The following CDYL variants were observed in gnomAD, a reference collection of about 807,000 sequenced individuals.
CDYL encodes chromodomain Y-like protein.
In CDYL, 8 loss-of-function variants were observed where a neutral mutation model predicts 47.3. The ratio of observed to expected loss-of-function variants is 0.17; its 90% CI spans 0.10 to 0.31. The LOEUF is 0.31. Among genes scored for constraint, CDYL ranks in the 10% least tolerant of loss-of-function variants. The pLI is 1.00. For missense variants in CDYL, 471 were observed against 701.4 expected (o/e 0.67, Z 3.71); for synonymous variants, 266 against 265.0 (o/e 1.00, Z -0.04).
chr6:4,747,330 G>T (rs951720154), intron 3 of CDYL, among the ~76,000 whole-genome samples: 32 of 151,746 alleles, frequency 2.1e-4, no homozygotes, highest in African/African-American at 7.5e-4. Flanking sequence ...AAAATCATGG[G>T]CATTAATGCA....
At chr6:4,829,625 T>C (rs1398304824) in intron 1 of CDYL, among the ~76,000 whole-genome samples, 3 of 152,194 alleles carry the variant, frequency 2.0e-5, no homozygotes, top group African/African-American at 7.2e-5. Context: ...CTGCAGCTTT[T>C]CTGGGGGTGC....
Position 4,904,808 on chromosome 6 carries a change from C to T in CDYL, c.691+12429C>T, listed in dbSNP as rs145359140. 7.9e-4 allele frequency among the ~76,000 whole-genome samples: 121 copies of T among 152,302 alleles called. 1 individual carries two copies. The highest frequency in any genetic ancestry group is 2.7e-3 in the African/African-American group (113 of 41,560). The stretch of plus-strand genomic sequence containing the variant: ...GTAAACGGCTTTGGGCCTCATCGTA[C>T]AGCTACAGGTTGTACTTAGGACCCG... On this transcript the variant is annotated intron_variant, in intron 2 of 6. Coordinates refer to ENST00000397588, the MANE Select transcript of CDYL (RefSeq NM_004824.4).
Position 4,935,709 on chromosome 6 carries a change from G to C in CDYL, c.886G>C (p.Asp296His). ...RYRDIVVRKQ[D>H]GFTHILLSTK... ...CAGAGATATTGTGGTCAGGAAGCAG[G>C]ATGGCTTCACCCACATCTTGTTATC... Residue 296 changes from aspartate (D) to histidine (H), a missense_variant, in exon 3 of 7, where the codon GAT becomes CAT. Physicochemically the swap from Asp to His is moderately conservative, Grantham distance 81 (BLOSUM62 -1). This residue lies in a region of CDYL where 103 missense variants were observed against 277.1 expected (regional missense o/e 0.37). Transcript: ENST00000397588. The C allele has an allele frequency of 6.2e-7, 1 of 1,614,228 alleles. No individual in the cohort carries two copies. The highest frequency in any genetic ancestry group is 8.5e-7 in the Non-Finnish European group (1 of 1,180,038).
intron 2 of CDYL, among the ~76,000 whole-genome samples, chr6:4,916,358 A>G (rs1481090952): frequency 6.6e-6 from 1 of 152,194 alleles, no homozygotes; most frequent in Non-Finnish European, 1.5e-5. Flanking sequence ...CTACATGCCA[A>G]ATGTTTTAAA....
rs375995407 is a variant in CDYL, at chr6:4,925,753, C to G, written c.692-9762C>G. The stretch of plus-strand genomic sequence containing the variant: ...GCATGGATGAGTAGGTGAGAGTGGA[C>G]GAGTCCAGGACAGAGCCAGCTTCTG... On this transcript the variant is annotated intron_variant, in intron 2 of 6. Coordinates refer to ENST00000397588, the MANE Select transcript of CDYL (RefSeq NM_004824.4). 7.2e-5 allele frequency among the ~76,000 whole-genome samples: 11 copies of G among 152,068 alleles called. No homozygotes were observed. The East Asian group carries it at 7.7e-4, about 11-fold the overall frequency.
At chr6:4,771,846 G>T (rs981279181), upstream of CDYL, among the ~76,000 whole-genome samples, 12 of 152,110 alleles carry the variant, frequency 7.9e-5, no homozygotes, top group Admixed American at 7.9e-4. Flanking sequence ...TTTTTCCAGG[G>T]ATCCAAAATG....
chr6:4,900,779 G>GTGTATGTATATA, intron 2 of CDYL, among the ~76,000 whole-genome samples: 2 of 51,706 alleles, frequency 3.9e-5, no homozygotes, highest in African/African-American at 1.3e-4. Context: ...GTATACGTGT[G>GTGTATGTATATA]TATATATATA....
At chr6:4,793,430 T>G (rs1403423429) in intron 1 of CDYL, among the ~76,000 whole-genome samples, 3 of 151,970 alleles carry the variant, frequency 2.0e-5, no homozygotes, top group Non-Finnish European at 4.4e-5. Context: ...GGGGTTGGAG[T>G]GAGGCCGGCA....
chr6:4,949,211 C>T (rs761798019), intron 5 of CDYL, among the ~76,000 whole-genome samples: 7 of 152,208 alleles, frequency 4.6e-5, no homozygotes, highest in Non-Finnish European at 7.3e-5. Context: ...CACGGTCTGA[C>T]GCCCACAGGC....
At chr6:4,866,202 C>T (rs1761317011) in intron 1 of CDYL, among the ~76,000 whole-genome samples, 1 of 151,978 alleles carries the variant, frequency 6.6e-6, no homozygotes, top group African/African-American at 2.4e-5. Context: ...GTCAAGTACC[C>T]AAGTTAAAAA....
At chr6:4,739,199 A>AAT (rs992392752) in intron 3 of CDYL, among the ~76,000 whole-genome samples, 4 of 146,978 alleles carry the variant, frequency 2.7e-5, no homozygotes, top group African/African-American at 5.1e-5. Context: ...ATAAAAATAA[A>AAT]ATAAAATAAA....
At chr6:4,712,779 C>T (rs940861440) in intron 1 of CDYL, among the ~76,000 whole-genome samples, 2 of 152,226 alleles carry the variant, frequency 1.3e-5, no homozygotes, top group Non-Finnish European at 2.9e-5. Context: ...TCACGACTCA[C>T]GTGCTACAGA....
chr6:4,816,548 G>T (rs559781600), intron 1 of CDYL, among the ~76,000 whole-genome samples: 8 of 145,516 alleles, frequency 5.5e-5, no homozygotes, highest in African/African-American at 1.8e-4. Context: ...CAAGGCTAGA[G>T]TGCACAGTAG....
In CDYL at chr6:4,900,665, T is replaced by G. The variant is rs183810633; in HGVS notation, c.691+8286T>G. ...ACCAACATTTTAATCTATTTTTCAG[T>G]GTCTGGCAGATGAGAAATTGCTATC... On this transcript the variant is annotated intron_variant, in intron 2 of 6. Coordinates refer to ENST00000397588, the MANE Select transcript of CDYL (RefSeq NM_004824.4). Among the ~76,000 whole-genome samples the G allele has an allele frequency of 4.5e-4, 68 of 151,340 alleles. 1 individual carries two copies. Among genetic ancestry groups the G allele is most frequent in the Non-Finnish European group, 5.9e-5 (4 of 67,790 alleles).
intron 1 of CDYL, among the ~76,000 whole-genome samples, chr6:4,838,907 GA>G (rs990568191): frequency 2.0e-5 from 3 of 152,092 alleles, no homozygotes; most frequent in Admixed American, 2.0e-4. Flanking sequence ...GGCTGGTCTT[GA>G]ACTCCTGACC....
chr6:4,796,549 A>T lies in CDYL; in HGVS notation c.24+19742A>T, dbSNP rs939969230. On this transcript the variant is annotated intron_variant, in intron 1 of 6. Transcript: ENST00000397588. ...TTCCTAAGATTATAGGTTTGCCAAT[A>T]AATATTTTGTATATTTTGAGCCTAG... Among the ~76,000 whole-genome samples, 5 of 152,312 alleles carry T rather than the reference A, an allele frequency of 3.3e-5. No homozygotes were observed. The South Asian group carries it at 1.0e-3, about 32-fold the overall frequency.
intron 3 of CDYL, among the ~76,000 whole-genome samples, chr6:4,761,575 C>T (rs944498862): frequency 3.9e-5 from 6 of 152,248 alleles, no homozygotes; most frequent in African/African-American, 1.4e-4. Context: ...AACTCTTGAC[C>T]TTGTGATCTG....
intron 3 of CDYL, among the ~76,000 whole-genome samples, chr6:4,771,366 G>A (rs1581155463): frequency 6.6e-6 from 1 of 152,114 alleles, no homozygotes; most frequent in African/African-American, 2.4e-5. Flanking sequence ...CACCTGCCTT[G>A]GCCTCCTAAA....
At chr6:4,771,719 TTCTC>T (rs1376926416), upstream of CDYL, among the ~76,000 whole-genome samples, 1 of 152,080 alleles carries the variant, frequency 6.6e-6, no homozygotes, top group African/African-American at 2.4e-5. Flanking sequence ...CTCTCTCTCT[TTCTC>T]TCTCTGTCTA....
Sources: allele counts gnomAD v4.1 joint callset (sites outside exome capture counted in the v4.1 genomes callset), GRCh38; gene constraint gnomAD v4.1.1; regional missense constraint gnomAD v4.1.1; transcripts MANE v1.5; gene names NCBI Gene and HGNC (gene_info 2026-07-23, HGNC 2026-07-21).